LRRTM4: variants seen among roughly 807,000 people sequenced by gnomAD.
LRRTM4 encodes leucine-rich repeat transmembrane neuronal protein 4.
Under a neutral mutation model 47.6 loss-of-function variants are expected in LRRTM4, and 25 were observed. The ratio of observed to expected loss-of-function variants is 0.53; its 90% confidence interval spans 0.38 to 0.73. The LOEUF is 0.73. Among genes scored for constraint, LRRTM4 ranks in the 30% least tolerant of loss-of-function variants. LRRTM4 has a pLI of 0.00. For synonymous variants in LRRTM4, 311 were observed against 269.5 expected (o/e 1.15, Z -1.51); for missense variants, 638 against 713.4 (o/e 0.89, Z 1.20).
intron 3 of LRRTM4, among the ~76,000 whole-genome samples, chr2:76,760,966 T>C (rs909064607): frequency 6.6e-6 from 1 of 152,248 alleles, no homozygotes; most frequent in Non-Finnish European, 1.5e-5. Context: ...TCTGTAGTGA[T>C]TTTAAAAACA....
At chr2:77,260,314 A>G (rs1272915018) in intron 3 of LRRTM4, among the ~76,000 whole-genome samples, 3 of 151,766 alleles carry the variant, frequency 2.0e-5, no homozygotes, top group South Asian at 2.1e-4. Context: ...AGCTTCCTGC[A>G]TTAGATTTTC....
chr2:77,375,820 T>C (rs1283529456), intron 3 of LRRTM4, among the ~76,000 whole-genome samples: 1 of 151,848 alleles, frequency 6.6e-6, no homozygotes, highest in East Asian at 1.9e-4. Flanking sequence ...ACATTTCCTT[T>C]ATCTACTTAA....
rs535874640 is a variant in LRRTM4, at chr2:77,511,648, A to G, written c.1551+6670T>C. ...TGGTATTTATTATTATTGTTTGTAC[A>G]TGGAAAGAAAATATACTAATATTTT... On this transcript the variant is annotated intron_variant, in intron 3 of 3. Transcript: ENST00000409884. 5.3e-5 allele frequency among the ~76,000 whole-genome samples: 8 copies of G among 152,134 alleles called. 1 individual carries two copies. The highest frequency in any genetic ancestry group is 2.6e-4 in the Admixed American group (4 of 15,264).
intron 3 of LRRTM4, among the ~76,000 whole-genome samples, chr2:76,866,942 T>G (rs1390851232): frequency 6.6e-6 from 1 of 152,068 alleles, no homozygotes; most frequent in African/African-American, 2.4e-5. Context: ...AGCTGGAAAC[T>G]ATCATCCTCA....
intron 3 of LRRTM4, among the ~76,000 whole-genome samples, chr2:77,094,564 A>G (rs1209190910): frequency 6.6e-6 from 1 of 152,200 alleles, no homozygotes; most frequent in Non-Finnish European, 1.5e-5. Context: ...AGTATGATAC[A>G]GCCATAAATA....
chr2:76,823,965 A>C (rs1389122437), intron 3 of LRRTM4, among the ~76,000 whole-genome samples: 5 of 148,998 alleles, frequency 3.4e-5, no homozygotes, highest in African/African-American at 1.3e-4. Flanking sequence ...CAACTCATTT[A>C]ACCCATACAG....
At chr2:77,319,236 A>C (rs1404802311) in intron 3 of LRRTM4, among the ~76,000 whole-genome samples, 1 of 152,032 alleles carries the variant, frequency 6.6e-6, no homozygotes, top group Non-Finnish European at 1.5e-5. Context: ...AAATACAAAA[A>C]ATCAGCTGGG....
chr2:77,409,151 T>C (rs767348596), intron 3 of LRRTM4, among the ~76,000 whole-genome samples: 4 of 152,200 alleles, frequency 2.6e-5, no homozygotes, highest in Non-Finnish European at 4.4e-5. Context: ...GGATTAATAT[T>C]ATAACTAAAT....
chr2:77,394,106 T>A (rs952479669), intron 3 of LRRTM4, among the ~76,000 whole-genome samples: 1 of 151,948 alleles, frequency 6.6e-6, no homozygotes, highest in Non-Finnish European at 1.5e-5. Context: ...TAGCTGTAGG[T>A]TTATTTATGC....
At chr2:76,852,644 A>C (rs574251714) in intron 3 of LRRTM4, among the ~76,000 whole-genome samples, 130 of 152,292 alleles carry the variant, frequency 8.5e-4, no homozygotes, top group African/African-American at 3.0e-3. Flanking sequence ...ATTATTTATT[A>C]ATCTGTTCAT....
chr2:77,515,195 A>G (rs958147378), intron 3 of LRRTM4, among the ~76,000 whole-genome samples: 1 of 151,918 alleles, frequency 6.6e-6, no homozygotes. Flanking sequence ...TATCTACTCT[A>G]TTTCTCTTTT....
intron 3 of LRRTM4, among the ~76,000 whole-genome samples, chr2:76,895,695 C>T (rs74543453): frequency 0.01 from 1,589 of 152,044 alleles, 34 homozygotes; most frequent in African/African-American, 0.035. Flanking sequence ...ATCACGCCAT[C>T]GGAATGGAAT....
chr2:76,771,066 C>A (rs768233184), intron 3 of LRRTM4, among the ~76,000 whole-genome samples: 80 of 152,186 alleles, frequency 5.3e-4, no homozygotes, highest in Non-Finnish European at 8.2e-4. Context: ...ATTCCTAGCT[C>A]CTTAACATTT....
At chr2:76,784,952 TGCA>T (rs1418083997) in intron 3 of LRRTM4, among the ~76,000 whole-genome samples, 1 of 152,138 alleles carries the variant, frequency 6.6e-6, no homozygotes, top group Non-Finnish European at 1.5e-5. Context: ...AGTGGCAGAT[TGCA>T]CTTCAGAATG....
chr2:76,999,046 G>C (rs1170242289), intron 3 of LRRTM4, among the ~76,000 whole-genome samples: 1 of 152,018 alleles, frequency 6.6e-6, no homozygotes, highest in Non-Finnish European at 1.5e-5. Flanking sequence ...TGAAGTTTTT[G>C]ACTTCATAGA....
intron 3 of LRRTM4, among the ~76,000 whole-genome samples, chr2:77,222,531 G>A (rs778303700): frequency 1.4e-4 from 21 of 151,942 alleles, no homozygotes; most frequent in Admixed American, 3.9e-4. Flanking sequence ...GGATATCACC[G>A]CCAATCCCAC....
chr2:77,418,911 C>G (rs1674754843), intron 3 of LRRTM4, among the ~76,000 whole-genome samples: 2 of 152,150 alleles, frequency 1.3e-5, no homozygotes, highest in Non-Finnish European at 2.9e-5. Context: ...TATACAATGG[C>G]ATTTATTTAC....
rs1301408216 is a variant in LRRTM4 at position 77,519,987 on chromosome 2, G to T, written c.5-123C>A. 1 of 1,398,606 alleles carries T rather than the reference G, an allele frequency of 7.1e-7. No individual in the cohort carries two copies. Among genetic ancestry groups the T allele is most frequent in the Non-Finnish European group, 9.4e-7 (1 of 1,065,126 alleles). 86.6% of individuals were successfully genotyped at this position (1,398,606 alleles called of 1,614,324 possible). A position where few individuals can be genotyped will look rare whatever the true frequency, so the allele number is the denominator to read the frequency against. On this transcript the variant is annotated intron_variant, in intron 2 of 3. Coordinates refer to ENST00000409884, the MANE Select transcript of LRRTM4 (RefSeq NM_001134745.3). The surrounding 1 kb of genome is among the most constrained non-coding windows in gnomAD (Gnocchi z 4.6). ...ATGGGACAGTTGATTTAAGGAAAAT[G>T]CATTAACATTTCGAGCATTATTTTC... is the stretch of plus-strand genomic sequence containing the variant.
intron 3 of LRRTM4, among the ~76,000 whole-genome samples, chr2:76,997,739 G>T (rs566565330): frequency 6.6e-6 from 1 of 152,126 alleles, no homozygotes; most frequent in Non-Finnish European, 1.5e-5. Flanking sequence ...TGGCCTGTTA[G>T]GAATTGGGCT....
Sources: allele counts gnomAD v4.1 joint callset (sites outside exome capture counted in the v4.1 genomes callset), GRCh38; gene constraint gnomAD v4.1.1; non-coding constraint Gnocchi (gnomAD v3.1); transcripts MANE v1.5; gene names NCBI Gene and HGNC (gene_info 2026-07-23, HGNC 2026-07-21).